MGAT4D: variants seen among roughly 807,000 people sequenced by gnomAD.
The protein encoded by MGAT4D is alpha-1,3-mannosyl-glycoprotein 4-beta-N-acetylglucosaminyltransferase-like protein MGAT4D.
Under a neutral mutation model 15.9 loss-of-function variants are expected in MGAT4D, and 34 were observed. The observed-to-expected ratio is 2.14, with a 90% CI of 1.62 to 2.84. The LOEUF (loss-of-function observed/expected upper bound fraction) is 2.84, where lower values mean the gene tolerates loss of function less well. Ranked by LOEUF, MGAT4D falls within the 30% of genes most tolerant of loss-of-function variation. The probability of loss-of-function intolerance (pLI) is 0.00; values close to 1 mark genes in which losing one functional copy is unlikely to be tolerated. For synonymous variants in MGAT4D, 112 were observed against 48.2 expected (o/e 2.33, Z -5.49); for missense variants, 327 against 140.2 (o/e 2.33, Z -6.73).
chr4:140,451,310 C>T (rs1421592888), intron 10 of MGAT4D, 100 bp downstream of exon 10: 2 of 404,216 alleles, frequency 4.9e-6, no homozygotes, highest in East Asian at 7.1e-5. Flanking sequence ...CTTAAACAAC[C>T]ATATTTTATA....
intron 10 of MGAT4D, among the ~76,000 whole-genome samples, chr4:140,446,266 T>C (rs1730115254): frequency 6.6e-6 from 1 of 152,196 alleles, no homozygotes; most frequent in South Asian, 2.1e-4. Context: ...TTTGCACATC[T>C]AATAGAATTT....
intron 9 of MGAT4D, among the ~76,000 whole-genome samples, chr4:140,451,980 C>A (rs1183043211): frequency 9.4e-6 from 1 of 106,614 alleles, no homozygotes; most frequent in Non-Finnish European, 1.9e-5. Flanking sequence ...GAAAAAGAAT[C>A]TGGATAATTT....
chr4:140,475,904 C>T (rs572683358), intron 3 of MGAT4D, among the ~76,000 whole-genome samples: 2 of 150,562 alleles, frequency 1.3e-5, no homozygotes, highest in South Asian at 4.2e-4. Flanking sequence ...CTCCACCTCC[C>T]GGGTTCAAGC....
At chr4:140,490,616 C>T (rs1190857454) in intron 1 of MGAT4D, among the ~76,000 whole-genome samples, 1 of 152,174 alleles carries the variant, frequency 6.6e-6, no homozygotes, top group Non-Finnish European at 1.5e-5. Context: ...AAGAGACAAA[C>T]ATTTGAGCCT....
In MGAT4D at chr4:140,462,045, T is replaced by G. The variant is rs773798312; in HGVS notation, c.687-41A>C. On this transcript the variant is annotated intron_variant, in intron 6 of 10. Coordinates refer to ENST00000511113, the MANE Select transcript of MGAT4D (RefSeq NM_001277353.2). Reference sequence around the variant, plus strand: ...AAGATCTGTTAATATTTGTCATTATTAATTTTTATTTATAAGCATACTTTA... The same window carrying G: ...AAGATCTGTTAATATTTGTCATTATGAATTTTTATTTATAAGCATACTTTA... 24 of 686,206 alleles carry G rather than the reference T, an allele frequency of 3.5e-5. 1 individual carries two copies. In the South Asian group the frequency reaches 3.8e-4, roughly 11 times the overall value. 42.5% of individuals were successfully genotyped at this position (686,206 alleles called of 1,614,324 possible).
At chr4:140,448,919 A>G (rs181013976) in intron 10 of MGAT4D, among the ~76,000 whole-genome samples, 1 of 152,342 alleles carries the variant, frequency 6.6e-6, no homozygotes, top group Admixed American at 6.5e-5. Context: ...AGATTTAGCA[A>G]CAACTACTAC....
intron 10 of MGAT4D, chr4:140,450,029 G>C (rs749332389): frequency 4.4e-5 from 13 of 292,720 alleles, no homozygotes; most frequent in Middle Eastern, 4.2e-4. Flanking sequence ...AGAAAGTTGA[G>C]AAATAGTCTA....
At chr4:140,467,409 A>G (rs1239794465) in intron 5 of MGAT4D, among the ~76,000 whole-genome samples, 1 of 152,148 alleles carries the variant, frequency 6.6e-6, no homozygotes, top group African/African-American at 2.4e-5. Context: ...CAGCATACAC[A>G]ATCATCAAAA....
At chr4:140,450,458 T>C (rs868545979) in intron 10 of MGAT4D, among the ~76,000 whole-genome samples, 16 of 152,350 alleles carry the variant, frequency 1.1e-4, no homozygotes, top group South Asian at 1.0e-3. Context: ...ACAGTTACAT[T>C]TTCATTATTC....
At chr4:140,448,576 T>C (rs1255967441) in intron 10 of MGAT4D, among the ~76,000 whole-genome samples, 4 of 152,250 alleles carry the variant, frequency 2.6e-5, no homozygotes, top group Non-Finnish European at 5.9e-5. Context: ...TTTATACTGG[T>C]TATTTTATCT....
Position 140,456,682 on chromosome 4 carries a change from T to C in MGAT4D, c.915A>G (p.Val305=), listed in dbSNP as rs1317910827. The part of the protein sequence containing the change: ...LFRSEDLTHF[V]RFFLMFYKEK... ...CTTTGTAGAACATTAAAAAAAACCG[T>C]ACAAAGTGAGTTAAGTCCTCAGATC... Residue 305 remains valine, a synonymous_variant, in exon 9 of 11, where the codon GTA becomes GTG. Coordinates refer to ENST00000511113, the MANE Select transcript of MGAT4D (RefSeq NM_001277353.2). 2.9e-6 allele frequency: 2 copies of C among 695,278 alleles called. No homozygotes were observed. Among genetic ancestry groups the C allele is most frequent in the South Asian group, 1.5e-5 (1 of 65,962 alleles). The allele number at this position is 695,278 out of a possible 1,614,324, so 43.1% of individuals were successfully genotyped here. A position where few individuals can be genotyped will look rare whatever the true frequency, so the allele number is the denominator to read the frequency against.
At chr4:140,473,207 A>G (rs931660298) in intron 4 of MGAT4D, among the ~76,000 whole-genome samples, 3 of 152,032 alleles carry the variant, frequency 2.0e-5, no homozygotes, top group South Asian at 2.1e-4. Context: ...TATGTTAAAC[A>G]TGATGCTTTA....
chr4:140,498,036 C>T, intron 1 of MGAT4D, 93 bp downstream of exon 1: 1 of 608,602 alleles, frequency 1.6e-6, no homozygotes, highest in Non-Finnish European at 2.9e-6. Context: ...TCCCGCATCG[C>T]CTCCGCACCC....
At chr4:140,494,760 A>ACAC (rs1733727052) in intron 1 of MGAT4D, among the ~76,000 whole-genome samples, 1 of 152,148 alleles carries the variant, frequency 6.6e-6, no homozygotes, top group Non-Finnish European at 1.5e-5. Flanking sequence ...ATGCCTGGAG[A>ACAC]CACTGTCACA....
chr4:140,454,021 T>C (rs1383334712), intron 9 of MGAT4D, among the ~76,000 whole-genome samples: 1 of 152,012 alleles, frequency 6.6e-6, no homozygotes, highest in Non-Finnish European at 1.5e-5. Context: ...TATGTGTGTG[T>C]GTGTGTGTGT....
Position 140,447,084 on chromosome 4 carries a change from T to C in MGAT4D, c.1117-3640A>G, listed in dbSNP as rs1043039620. On this transcript the variant is annotated intron_variant, in intron 10 of 10. Transcript: ENST00000511113. ...GTCTGACAGCATGGTTGGTATGATT[T>C]TGAGGTTTTGTTTTGCATTTGCTGA... is the stretch of plus-strand genomic sequence containing the variant. 1.3e-4 allele frequency among the ~76,000 whole-genome samples: 20 copies of C among 152,006 alleles called. 1 individual carries two copies. The highest frequency in any genetic ancestry group is 6.6e-5 in the Admixed American group (1 of 15,252).
chr4:140,483,430 G>A (rs984854850), intron 1 of MGAT4D, among the ~76,000 whole-genome samples: 3 of 152,112 alleles, frequency 2.0e-5, no homozygotes, highest in Admixed American at 2.0e-4. Flanking sequence ...TTGTTAAAAT[G>A]TCTATACTAC....
chr4:140,479,947 A>G (rs952847389), intron 2 of MGAT4D, among the ~76,000 whole-genome samples: 3 of 152,150 alleles, frequency 2.0e-5, no homozygotes, highest in Non-Finnish European at 4.4e-5. Context: ...TACTTTGATT[A>G]ATATCACTTT....
Position 140,461,975 on chromosome 4 carries a change from C to CA in MGAT4D, c.715dup (p.Cys239LeufsTer20). Reference sequence around the variant, plus strand: ...GGGTTGGGCATACAGCAACAAAATGCAAAAATCCAATACCTGTTTGATTCG... The same window carrying CA: ...GGGTTGGGCATACAGCAACAAAATGCAAAAAATCCAATACCTGTTTGATTCG... On this transcript the variant is annotated frameshift_variant, in exon 7 of 11. Coordinates refer to ENST00000511113, the MANE Select transcript of MGAT4D (RefSeq NM_001277353.2). LOFTEE classifies it high-confidence loss of function. 1.4e-6 allele frequency: 1 copy of CA among 699,822 alleles called. No individual in the cohort carries two copies. The highest frequency in any genetic ancestry group is 2.7e-5 in the East Asian group (1 of 37,130). The allele number at this position is 699,822 out of a possible 1,614,324, so 43.4% of individuals were successfully genotyped here. A position where few individuals can be genotyped will look rare whatever the true frequency, so the allele number is the denominator to read the frequency against.
Sources: allele counts gnomAD v4.1 joint callset (sites outside exome capture counted in the v4.1 genomes callset), GRCh38; gene constraint gnomAD v4.1.1; transcripts MANE v1.5; gene names NCBI Gene and HGNC (gene_info 2026-07-23, HGNC 2026-07-21).